Variants in EXD1 observed in about 807,000 individuals in gnomAD.
EXD1 encodes piRNA biogenesis protein EXD1.
A neutral mutation model predicts 49.1 loss-of-function variants in EXD1; 63 were observed. That is an observed-to-expected ratio of 1.28 (90% CI 1.05 to 1.58). The LOEUF is 1.58. EXD1 is among the 40% of genes most tolerant of loss of function. EXD1 has a pLI of 0.00. For missense variants in EXD1, 748 were observed against 666.0 expected (o/e 1.12, Z -1.36); for synonymous variants, 234 against 239.2 (o/e 0.98, Z 0.20).
intron 7 of EXD1, among the ~76,000 whole-genome samples, chr15:41,197,229 CTTTTTTT>C (rs976999245): frequency 6.8e-5 from 9 of 133,182 alleles, no homozygotes; most frequent in East Asian, 6.7e-4. Context: ...TTTCTTTTTT[CTTTTTTT>C]TTTTTTTTTG....
At position 41,219,755 on chromosome 15, in the gene EXD1, C is replaced by A. The variant is rs1006550265; in HGVS notation, c.202+75G>T. On this transcript the variant is annotated intron_variant, in intron 3 of 11. Transcript: ENST00000458580. ...CAACTTTAAGAATCCATAAGCACAA[C>A]ATTAAGACAAGACAATTTCAAATAT... The A allele has an allele frequency of 4.8e-6, 6 of 1,262,212 alleles. No homozygotes were observed. The African/African-American group carries it at 5.9e-5, about 12-fold the overall frequency. 78.2% of individuals were successfully genotyped at this position (1,262,212 alleles called of 1,614,324 possible).
chr15:41,194,480 ACTCT>A (rs2046580223), intron 9 of EXD1, among the ~76,000 whole-genome samples: 1 of 151,740 alleles, frequency 6.6e-6, no homozygotes, highest in Non-Finnish European at 1.5e-5. Flanking sequence ...AGGCAAGGAA[ACTCT>A]CTCTTCAGAA....
rs2046485562 is a variant in EXD1, at chr15:41,190,139, T to C, written c.865-11A>G. 6.2e-7 allele frequency: 1 copy of C among 1,613,682 alleles called. No individual in the cohort carries two copies. Among genetic ancestry groups the C allele is most frequent in the African/African-American group, 1.3e-5 (1 of 74,898 alleles). On this transcript the variant is annotated splice_polypyrimidine_tract_variant and intron_variant, in intron 10 of 11. Coordinates refer to ENST00000458580, the MANE Select transcript of EXD1 (RefSeq NM_001286441.2). ...TACTTCTGGATTTTCCTGGAGACAA[T>C]AAAACAATTTCCTCTGAACAGTAAG...
chr15:41,192,080 T>C (rs2046529373), intron 9 of EXD1: 1 of 154,196 alleles, frequency 6.5e-6, no homozygotes, highest in African/African-American at 2.4e-5. Flanking sequence ...TCTGGACTCG[T>C]TCACCCTCCC....
chr15:41,188,553 C>G (rs562815923), intron 11 of EXD1, among the ~76,000 whole-genome samples: 2 of 151,688 alleles, frequency 1.3e-5, no homozygotes, highest in South Asian at 4.2e-4. Context: ...CCACCATGCC[C>G]AGCTAATTTC....
intron 1 of EXD1, among the ~76,000 whole-genome samples, chr15:41,227,668 A>G (rs1029460263): frequency 8.4e-5 from 11 of 131,188 alleles, no homozygotes; most frequent in African/African-American, 2.6e-4. Context: ...ACAGAGCAAC[A>G]CTGTCTCAAA....
intron 7 of EXD1, among the ~76,000 whole-genome samples, chr15:41,197,322 G>A (rs2046631496): frequency 6.6e-6 from 1 of 151,522 alleles, no homozygotes; most frequent in Admixed American, 6.6e-5. Flanking sequence ...CTGCTGTCCG[G>A]GTTCTCGCCA....
At position 41,230,648 on chromosome 15, in the gene EXD1, C is replaced by A. The variant is rs1474209880; in HGVS notation, c.-223G>T. ...AGAAGTCTCGGGACGCTCCACGCCA[C>A]CCGGCGGCGGTTATCAAATCACAGG... On this transcript the variant is annotated 5_prime_UTR_variant, in exon 1 of 12. Coordinates refer to ENST00000458580, the MANE Select transcript of EXD1 (RefSeq NM_001286441.2). 2 of 1,282,492 alleles carry A rather than the reference C, an allele frequency of 1.6e-6. No individual in the cohort carries two copies. The highest frequency in any genetic ancestry group is 1.5e-5 in the African/African-American group (1 of 66,620). 79.4% of individuals were successfully genotyped at this position (1,282,492 alleles called of 1,614,324 possible).
chr15:41,219,028 C>A (rs997834554), intron 3 of EXD1, among the ~76,000 whole-genome samples: 1 of 152,138 alleles, frequency 6.6e-6, no homozygotes. Context: ...CATTCCTCCA[C>A]CCCTTCTATC....
chr15:41,184,519 T>C lies in EXD1; in HGVS notation c.1131A>G (p.Ala377=), dbSNP rs2046374807. 4.3e-6 allele frequency: 7 copies of C among 1,613,588 alleles called. No homozygotes were observed. The highest frequency in any genetic ancestry group is 5.9e-6 in the Non-Finnish European group (7 of 1,179,892). The change falls in exon 12 of 12, where the codon GCA becomes GCG. Residue 377 remains alanine (A), a synonymous_variant. Transcript: ENST00000458580. The part of the protein sequence containing the change: ...DFQKQRREKA[A]REYRVNAQGL... ...CCTGTGCATTCACCCTATATTCTCT[T>C]GCAGCTTTCTCCCTGCGCTGCTTCT... is the stretch of plus-strand genomic sequence containing the variant.
intron 7 of EXD1, among the ~76,000 whole-genome samples, chr15:41,207,025 G>A (rs1257043181): frequency 4.3e-5 from 6 of 140,756 alleles, no homozygotes; most frequent in Non-Finnish European, 9.3e-5. Context: ...GGCAGATCAC[G>A]AGGTAAGGAG....
At chr15:41,230,352 G>A in intron 1 of EXD1, 127 bp downstream of exon 1, 1 of 948,096 alleles carries the variant, frequency 1.1e-6, no homozygotes, top group East Asian at 2.7e-5. Context: ...CAAAGTGCTG[G>A]GATTACAGGC....
At chr15:41,219,992 G>C in intron 2 of EXD1, 94 bp from the exon 3 acceptor site, 1 of 762,058 alleles carries the variant, frequency 1.3e-6, no homozygotes, top group Non-Finnish European at 1.9e-6. Flanking sequence ...AGTCTGAGTT[G>C]TATTTAAAAA....
In EXD1 at chr15:41,219,850, A is replaced by G. The variant is rs967958908; in HGVS notation, c.182T>C (p.Phe61Ser). 3.3e-6 allele frequency: 5 copies of G among 1,535,814 alleles called. No individual in the cohort carries two copies. The African/African-American group carries it at 5.5e-5, about 17-fold the overall frequency. The part of the protein sequence containing the change: ...GRSVPGVKLF[F>S]GHEIVNVELL... ...CTCACCATTCACAATCTCATGCCCA[A>G]AAAACAACTTCACTCCTGGGACACT... The change falls in exon 3 of 12, where the codon TTT (phenylalanine) becomes TCT (serine). Residue 61 changes from phenylalanine (F) to serine (S), a missense_variant. Phe to Ser is a radical substitution (Grantham distance 155, BLOSUM62 -2). Transcript: ENST00000458580.
intron 3 of EXD1, among the ~76,000 whole-genome samples, chr15:41,219,234 T>G (rs1287441267): frequency 6.6e-6 from 1 of 152,160 alleles, no homozygotes; most frequent in Non-Finnish European, 1.5e-5. Flanking sequence ...AAATAAAGAA[T>G]AAGGCTGCTT....
chr15:41,192,850 C>T (rs1353553242), intron 9 of EXD1, among the ~76,000 whole-genome samples: 3 of 136,254 alleles, frequency 2.2e-5, no homozygotes, highest in African/African-American at 8.5e-5. Flanking sequence ...GGCGGGAGTG[C>T]TGTGGCGCGA....
intron 2 of EXD1, 89 bp from the exon 3 acceptor site, chr15:41,219,987 G>A: frequency 2.2e-6 from 2 of 924,498 alleles, no homozygotes; most frequent in South Asian, 3.5e-5. Flanking sequence ...TCCCAAGTCT[G>A]AGTTGTATTT....
At chr15:41,188,624 C>T (rs971541751) in intron 11 of EXD1, among the ~76,000 whole-genome samples, 2 of 151,906 alleles carry the variant, frequency 1.3e-5, no homozygotes, top group African/African-American at 2.4e-5. Context: ...AACTCTTGAC[C>T]TCAGGTGATC....
intron 6 of EXD1, among the ~76,000 whole-genome samples, chr15:41,215,229 C>G (rs899219177): frequency 6.6e-6 from 1 of 152,178 alleles, no homozygotes; most frequent in Non-Finnish European, 1.5e-5. Flanking sequence ...AATAAAAGCA[C>G]TTGTTTATTG....
Sources: gnomAD v4.1 joint callset for allele counts (sites outside exome capture counted in the v4.1 genomes callset) on GRCh38, gnomAD v4.1.1 for gene constraint, MANE v1.5 for transcripts, NCBI Gene and HGNC (gene_info 2026-07-23, HGNC 2026-07-21) for gene names.